The following PICALM variants were observed in gnomAD, a reference collection of about 807,000 sequenced individuals.
PICALM encodes the protein phosphatidylinositol-binding clathrin assembly protein.
In PICALM, 40 loss-of-function variants were observed where a neutral mutation model predicts 80.5. The ratio of observed to expected loss-of-function variants is 0.50; its 90% CI spans 0.39 to 0.65. The LOEUF is 0.65. Ranked by LOEUF, PICALM falls within the 30% of genes least tolerant of loss-of-function variation. PICALM has a pLI of 0.00. For synonymous variants in PICALM, 288 were observed against 260.3 expected (o/e 1.11, Z -1.02); for missense variants, 676 against 778.9 (o/e 0.87, Z 1.57).
chr11:85,986,614 TC>T (rs1177014233), intron 13 of PICALM, among the ~76,000 whole-genome samples: 3 of 151,796 alleles, frequency 2.0e-5, no homozygotes, highest in African/African-American at 7.3e-5. Flanking sequence ...ATGGTCTCGA[TC>T]TCCTGACCTC....
chr11:86,020,012 T>C (rs2095538552), intron 4 of PICALM, among the ~76,000 whole-genome samples: 1 of 152,148 alleles, frequency 6.6e-6, no homozygotes, highest in South Asian at 2.1e-4. Flanking sequence ...ATGTCTTCAG[T>C]GGCTTTCTCC....
chr11:85,995,075 A>C (rs1460584849), intron 12 of PICALM, among the ~76,000 whole-genome samples: 1 of 152,212 alleles, frequency 6.6e-6, no homozygotes, highest in Non-Finnish European at 1.5e-5. Context: ...AAAATTAAAA[A>C]AAATATATCG....
At chr11:86,026,981 C>T (rs1445668740) in intron 2 of PICALM, among the ~76,000 whole-genome samples, 4 of 152,160 alleles carry the variant, frequency 2.6e-5, no homozygotes, top group Non-Finnish European at 5.9e-5. Flanking sequence ...TATAAACTAT[C>T]CAAGTGTTTT....
chr11:86,014,608 T>C (rs2095451174), intron 5 of PICALM, among the ~76,000 whole-genome samples: 1 of 152,156 alleles, frequency 6.6e-6, no homozygotes, highest in South Asian at 2.1e-4. Context: ...CAAAAGAAAA[T>C]ATATTTTCAG....
chr11:86,025,253 A>G (rs2095631492), intron 3 of PICALM, among the ~76,000 whole-genome samples: 1 of 152,128 alleles, frequency 6.6e-6, no homozygotes, highest in African/African-American at 2.4e-5. Context: ...TACACAAAGT[A>G]GCTGGGCGTG....
At position 86,001,916 on chromosome 11, in the gene PICALM, T is replaced by G. The variant is rs533042286; in HGVS notation, c.894-758A>C. ...TCTAACCTGAAGAACTACCTTGAGC[T>G]TTATTAATTTTCCTTTTACCACACA... On this transcript the variant is annotated intron_variant, in intron 9 of 19. Coordinates refer to ENST00000393346, the MANE Select transcript of PICALM (RefSeq NM_007166.4). 2.0e-5 allele frequency among the ~76,000 whole-genome samples: 3 copies of G among 152,350 alleles called. No individual in the cohort carries two copies. In the South Asian group the frequency reaches 6.2e-4, roughly 32 times the overall value.
At chr11:86,031,130 C>CA (rs1273223240) in intron 2 of PICALM, among the ~76,000 whole-genome samples, 2 of 151,430 alleles carry the variant, frequency 1.3e-5, no homozygotes, top group Non-Finnish European at 2.9e-5. Context: ...AACAAACAAA[C>CA]AAAAAATCTA....
At chr11:86,043,533 T>G (rs2096012375) in intron 1 of PICALM, among the ~76,000 whole-genome samples, 1 of 152,242 alleles carries the variant, frequency 6.6e-6, no homozygotes, top group Non-Finnish European at 1.5e-5. Flanking sequence ...ATAACCTAAA[T>G]GTCCCATTTT....
intron 19 of PICALM, among the ~76,000 whole-genome samples, chr11:85,974,017 A>G (rs1026645143): frequency 2.6e-5 from 4 of 152,112 alleles, no homozygotes; most frequent in South Asian, 2.1e-4. Context: ...GGAATTTCCT[A>G]TATCTTCTAA....
chr11:85,990,030 G>C (rs1214354282), intron 13 of PICALM, among the ~76,000 whole-genome samples: 2 of 38,118 alleles, frequency 5.2e-5, no homozygotes, highest in African/African-American at 2.0e-4. Context: ...AAAAAAAAAA[G>C]TTCAACATCA....
At chr11:85,992,921 C>T (rs1408532759) in intron 12 of PICALM, among the ~76,000 whole-genome samples, 1 of 152,066 alleles carries the variant, frequency 6.6e-6, no homozygotes, top group African/African-American at 2.4e-5. Flanking sequence ...ATAAGGAAAA[C>T]CAGTTCCTAA....
chr11:86,035,078 G>C (rs1593169587), intron 1 of PICALM, among the ~76,000 whole-genome samples: 2 of 149,340 alleles, frequency 1.3e-5, no homozygotes, highest in African/African-American at 2.4e-5. Flanking sequence ...AAAAACAATA[G>C]AAAAACAGTG....
At chr11:86,021,514 C>CAA (rs144720845) in intron 4 of PICALM, among the ~76,000 whole-genome samples, 68 of 140,116 alleles carry the variant, frequency 4.9e-4, no homozygotes, top group African/African-American at 1.6e-3. Context: ...AAAAAAAAGG[C>CAA]AAAAAAAAAC....
chr11:85,986,515 C>T (rs1455731918), intron 13 of PICALM, among the ~76,000 whole-genome samples: 2 of 150,810 alleles, frequency 1.3e-5, no homozygotes, highest in East Asian at 1.9e-4. Context: ...CTCAGCCTCC[C>T]GAGTAGCTGG....
At chr11:86,013,068 G>A (rs1026835893) in intron 5 of PICALM, among the ~76,000 whole-genome samples, 1 of 152,120 alleles carries the variant, frequency 6.6e-6, no homozygotes, top group Non-Finnish European at 1.5e-5. Context: ...TTGTGAGGCC[G>A]AGGCAGGAGG....
At chr11:86,056,850 A>G (rs2096277305) in intron 1 of PICALM, among the ~76,000 whole-genome samples, 1 of 152,240 alleles carries the variant, frequency 6.6e-6, no homozygotes, top group Non-Finnish European at 1.5e-5. Context: ...AAAAATGAAT[A>G]AAGTACTGAT....
rs1263861639 is a variant in PICALM at position 85,958,944 on chromosome 11, T to C, written c.*102A>G. 3 of 783,206 alleles carry C rather than the reference T, an allele frequency of 3.8e-6. No homozygotes were observed. Among genetic ancestry groups the C allele is most frequent in the Admixed American group, 4.8e-5 (2 of 41,628 alleles). 48.5% of individuals were successfully genotyped at this position (783,206 alleles called of 1,614,324 possible). On this transcript the variant is annotated 3_prime_UTR_variant, in exon 20 of 20. Coordinates refer to ENST00000393346, the MANE Select transcript of PICALM (RefSeq NM_007166.4). ...GTAGCATTCTAATGGAAGAAGAGAG[T>C]TTAAGAGATTTAAGAGACAGCAGTT...
intron 1 of PICALM, among the ~76,000 whole-genome samples, chr11:86,054,244 TC>T (rs1209332051): frequency 3.3e-5 from 5 of 152,228 alleles, no homozygotes; most frequent in African/African-American, 1.2e-4. Flanking sequence ...AATCATGCAT[TC>T]CTTCTTTCCT....
At chr11:86,029,405 T>G (rs1421111148) in intron 2 of PICALM, among the ~76,000 whole-genome samples, 2 of 152,124 alleles carry the variant, frequency 1.3e-5, no homozygotes, top group Non-Finnish European at 2.9e-5. Flanking sequence ...AACCTGAAGG[T>G]TGTACAAACC....
Sources: allele counts gnomAD v4.1 joint callset (sites outside exome capture counted in the v4.1 genomes callset), GRCh38; gene constraint gnomAD v4.1.1; transcripts MANE v1.5; gene names NCBI Gene and HGNC (gene_info 2026-07-23, HGNC 2026-07-21).